The following KDM5B variants were observed in gnomAD, a reference collection of about 807,000 sequenced individuals.
KDM5B encodes lysine demethylase 5B.
A neutral mutation model predicts 193.4 loss-of-function variants in KDM5B; 144 were observed. The ratio of observed to expected loss-of-function variants is 0.74; its 90% confidence interval spans 0.65 to 0.86. The LOEUF is 0.86. Ranked by LOEUF, KDM5B falls within the 40% of genes least tolerant of loss-of-function variation. The pLI is 0.00. For synonymous variants in KDM5B, 668 were observed against 682.6 expected, an observed-to-expected ratio of 0.98 and a Z score of 0.33; for missense variants, 1,833 against 1,886.9, an observed-to-expected ratio of 0.97 and a Z score of 0.53.
At chr1:202,736,599 G>C (rs1655105155) in intron 20 of KDM5B, among the ~76,000 whole-genome samples, 1 of 151,976 alleles carries the variant, frequency 6.6e-6, no homozygotes, top group Non-Finnish European at 1.5e-5. Flanking sequence ...CACAAACAGA[G>C]AACCTAGTTT....
chr1:202,743,549 C>T (rs967248759), intron 16 of KDM5B, among the ~76,000 whole-genome samples: 2 of 152,072 alleles, frequency 1.3e-5, no homozygotes, highest in African/African-American at 4.8e-5. Flanking sequence ...TTGCTCCTTT[C>T]CCCTAAATAA....
At position 202,762,719 on chromosome 1, in the gene KDM5B, A is replaced by G. The variant is rs1355690245; in HGVS notation, c.898T>C (p.Ser300Pro). The change falls in exon 7 of 27, where the codon TCT (serine) becomes CCT (proline). Residue 300 changes from serine (S) to proline (P), a missense_variant. Around this residue, in one of 3 missense-constraint regions of KDM5B, gnomAD observed 99 missense variants for 162.4 expected, o/e 0.61. Coordinates refer to ENST00000367265, the MANE Select transcript of KDM5B (RefSeq NM_006618.5). ...CTCACAGCATTGGTGGCTTTTTTAG[A>G]TCGACTCTTGGGCTTTTCCTTCTCA... is the stretch of plus-strand genomic sequence containing the variant. Reference protein sequence around the residue: ...ENEKEKPKSRSKKATNAVDLY... With the variant: ...ENEKEKPKSRPKKATNAVDLY... The G allele has an allele frequency of 6.2e-7, 1 of 1,604,264 alleles. No individual in the cohort carries two copies.
At chr1:202,738,149 G>A (rs1403120676) in intron 20 of KDM5B, among the ~76,000 whole-genome samples, 2 of 152,136 alleles carry the variant, frequency 1.3e-5, no homozygotes, top group African/African-American at 4.8e-5. Context: ...AAAAAGGTAG[G>A]CTACTTTTTC....
At chr1:202,771,788 G>A (rs1301906117) in intron 4 of KDM5B, among the ~76,000 whole-genome samples, 1 of 151,674 alleles carries the variant, frequency 6.6e-6, no homozygotes, top group African/African-American at 2.4e-5. Context: ...CACCATGTTG[G>A]CCAGGATGGT....
At chr1:202,785,893 G>C (rs1210154562) in intron 1 of KDM5B, among the ~76,000 whole-genome samples, 2 of 146,096 alleles carry the variant, frequency 1.4e-5, no homozygotes, top group African/African-American at 2.6e-5. Context: ...TGGGCAAACA[G>C]AGCAAGACTC....
chr1:202,800,564 G>A (rs1310862406), intron 1 of KDM5B, among the ~76,000 whole-genome samples: 9 of 151,692 alleles, frequency 5.9e-5, no homozygotes, highest in African/African-American at 1.7e-4. Context: ...GATCTCAAAC[G>A]CCTGACCTCA....
intron 1 of KDM5B, among the ~76,000 whole-genome samples, chr1:202,797,918 T>C (rs1179713018): frequency 2.0e-5 from 3 of 152,196 alleles, no homozygotes; most frequent in African/African-American, 7.2e-5. Context: ...AGGCCGGGCA[T>C]AGTGGCTTGT....
chr1:202,764,328 T>C (rs970231011), intron 5 of KDM5B, among the ~76,000 whole-genome samples, 183 bp from the exon 6 acceptor site: 1 of 152,070 alleles, frequency 6.6e-6, no homozygotes, highest in African/African-American at 2.4e-5. Context: ...AAAGCATGAA[T>C]GAGAAATTTA....
chr1:202,757,505 C>A (rs1208219687), intron 9 of KDM5B, among the ~76,000 whole-genome samples: 1 of 152,066 alleles, frequency 6.6e-6, no homozygotes, highest in Non-Finnish European at 1.5e-5. Flanking sequence ...ATACAGTTAA[C>A]CACAAATAGA....
At chr1:202,753,126 A>G in intron 11 of KDM5B, 59 bp from the exon 12 acceptor site, 1 of 1,441,286 alleles carries the variant, frequency 6.9e-7, no homozygotes, top group Non-Finnish European at 9.5e-7. Context: ...AAAATGGGTT[A>G]CCAGTTCATA....
chr1:202,784,652 T>G (rs55951260), intron 1 of KDM5B, among the ~76,000 whole-genome samples: 2,624 of 152,084 alleles, frequency 0.017, 79 homozygotes, highest in African/African-American at 0.06. Context: ...ACAAGCAGAG[T>G]TAACTATTTA....
intron 1 of KDM5B, among the ~76,000 whole-genome samples, chr1:202,807,615 T>C: frequency 6.6e-6 from 1 of 151,372 alleles, no homozygotes; most frequent in Non-Finnish European, 1.5e-5. Flanking sequence ...ATTGAAAACT[T>C]TCCTCCTCGC....
At chr1:202,790,050 G>C (rs940091909) in intron 1 of KDM5B, among the ~76,000 whole-genome samples, 1 of 151,312 alleles carries the variant, frequency 6.6e-6, no homozygotes, top group Admixed American at 6.6e-5. Context: ...GATCACCTGA[G>C]GTTGAGGGTT....
At chr1:202,756,986 A>C (rs986244685) in intron 9 of KDM5B, among the ~76,000 whole-genome samples, 1 of 152,134 alleles carries the variant, frequency 6.6e-6, no homozygotes, top group Non-Finnish European at 1.5e-5. Context: ...CAAAAAACAC[A>C]GTATATAGCA....
At chr1:202,753,889 G>A (rs12083202) in intron 11 of KDM5B, among the ~76,000 whole-genome samples, 4 of 151,720 alleles carry the variant, frequency 2.6e-5, no homozygotes, top group East Asian at 1.9e-4. Context: ...GGCTGGTCTC[G>A]AACTCCTGAC....
chr1:202,739,102 T>TA (rs1201943929), intron 20 of KDM5B, among the ~76,000 whole-genome samples: 1 of 152,236 alleles, frequency 6.6e-6, no homozygotes, highest in Non-Finnish European at 1.5e-5. Flanking sequence ...GAATTTGCTA[T>TA]TACTGATTGT....
chr1:202,729,753 T>C lies in KDM5B; in HGVS notation c.4451A>G (p.Asp1484Gly). Reference sequence around the variant, plus strand: ...GCAGCTCACAGCTGGGCAGATGGCATCTTCATCCTCAGAGTCTTCCTGTTC... The same window carrying C: ...GCAGCTCACAGCTGGGCAGATGGCACCTTCATCCTCAGAGTCTTCCTGTTC... ...YSEQEDSEDE[D>G]AICPAVSCLQ... The change falls in exon 26 of 27, where the codon GAT becomes GGT. Residue 1484 changes from aspartate (D) to glycine (G), a missense_variant. By Grantham distance (94) the Asp-to-Gly change is moderately conservative. This residue lies in a region of KDM5B where 1,379 missense variants were observed against 1,349.6 expected (regional missense o/e 1.02). Transcript: ENST00000367265. The C allele has an allele frequency of 6.2e-7, 1 of 1,614,154 alleles. No individual in the cohort carries two copies. Among genetic ancestry groups the C allele is most frequent in the Non-Finnish European group, 8.5e-7 (1 of 1,179,994 alleles).
At position 202,729,721 on chromosome 1, in the gene KDM5B, G is replaced by A; in HGVS notation, c.4483C>T (p.Pro1495Ser). Residue 1495 changes from proline (P) to serine (S), a missense_variant, in exon 26 of 27, where the codon CCA (proline) becomes TCA (serine). Physicochemically the swap from Pro to Ser is moderately conservative, Grantham distance 74. Around this residue, in one of 3 missense-constraint regions of KDM5B, gnomAD observed 1,379 missense variants for 1,349.6 expected, o/e 1.02. Coordinates refer to ENST00000367265, the MANE Select transcript of KDM5B (RefSeq NM_006618.5). Reference sequence around the variant, plus strand: ...ACCTCACTGACCTCATCTCCTTCTGGCTGCAGGCAGCTCACAGCTGGGCAG... The same window carrying A: ...ACCTCACTGACCTCATCTCCTTCTGACTGCAGGCAGCTCACAGCTGGGCAG... ...AICPAVSCLQ[P>S]EGDEVDWVQC... 2 of 1,613,372 alleles carry A rather than the reference G, an allele frequency of 1.2e-6. No individual in the cohort carries two copies. The highest frequency in any genetic ancestry group is 1.7e-6 in the Non-Finnish European group (2 of 1,179,532).
chr1:202,753,269 G>A (rs538959897), intron 11 of KDM5B, among the ~76,000 whole-genome samples: 14 of 152,200 alleles, frequency 9.2e-5, no homozygotes, highest in East Asian at 3.9e-4. Flanking sequence ...AGACTGAGGC[G>A]GGTAGATCAC....
Sources: gnomAD v4.1 joint callset for allele counts (sites outside exome capture counted in the v4.1 genomes callset) on GRCh38, gnomAD v4.1.1 for gene constraint, gnomAD v4.1.1 regional missense constraint, MANE v1.5 for transcripts, NCBI Gene and HGNC (gene_info 2026-07-23, HGNC 2026-07-21) for gene names.